The following BRCA1 variants were observed in gnomAD, a reference collection of about 807,000 sequenced individuals.
The protein encoded by BRCA1 is BRCA1 DNA repair associated.
A neutral mutation model predicts 173.7 loss-of-function variants in BRCA1; 140 were observed. That is an observed-to-expected ratio of 0.81 (90% CI 0.70 to 0.93). The LOEUF (loss-of-function observed/expected upper bound fraction) is 0.93. BRCA1 is among the 40% of genes least tolerant of loss of function. The pLI is 0.00. For missense variants in BRCA1, 1,983 were observed against 2,172.5 expected (o/e 0.91, Z 1.73); for synonymous variants, 662 against 756.0 (o/e 0.88, Z 2.04).
Position 43,050,026 on chromosome 17 carries a change from A to G in BRCA1, c.5333-832T>C, listed in dbSNP as rs869312514. ...AACTTGGAAATTTCATAAAAATCCA[A>G]TTGATAACTAATAAAGAGGATGGAA... On this transcript the variant is annotated intron_variant, in intron 20 of 22. Transcript: ENST00000357654. The G allele has an allele frequency of 1.0e-5, 4 of 398,642 alleles. No individual in the cohort carries two copies. The highest frequency in any genetic ancestry group is 3.6e-5 in the East Asian group (1 of 28,078). The allele number at this position is 398,642 out of a possible 1,614,324, so 24.7% of individuals were successfully genotyped here. A position where few individuals can be genotyped will look rare whatever the true frequency, so the allele number is the denominator to read the frequency against.
At chr17:43,139,636 G>A (rs1225832093) in intron 1 of BRCA1, among the ~76,000 whole-genome samples, 1 of 152,130 alleles carries the variant, frequency 6.6e-6, no homozygotes, top group Non-Finnish European at 1.5e-5. Context: ...TTACAGGCGT[G>A]AGCCACCGTG....
intron 20 of BRCA1, 63 bp from the exon 21 acceptor site, chr17:43,049,257 A>G: frequency 1.4e-6 from 2 of 1,437,512 alleles, no homozygotes; most frequent in Non-Finnish European, 2.0e-6. Context: ...CAGGCCCTCT[A>G]CCCTACACTC....
At chr17:43,097,519 G>A (rs184107364) in intron 7 of BRCA1, among the ~76,000 whole-genome samples, 2 of 152,084 alleles carry the variant, frequency 1.3e-5, no homozygotes, top group African/African-American at 2.4e-5. Context: ...TGAGGAGGCC[G>A]AGATGGGTGG....
intron 1 of BRCA1, among the ~76,000 whole-genome samples, chr17:43,156,783 C>A (rs960080365): frequency 2.6e-5 from 4 of 152,144 alleles, no homozygotes; most frequent in African/African-American, 7.2e-5. Context: ...TTATAATCTA[C>A]ACTATATAAA....
At chr17:43,104,768 TA>T in intron 5 of BRCA1, 99 bp downstream of exon 5, 4 of 1,069,452 alleles carry the variant, frequency 3.7e-6, no homozygotes, top group Non-Finnish European at 5.8e-6. Flanking sequence ...TAACCTAGAC[TA>T]AAAGGTCTTA....
chr17:43,106,251 G>A (rs981206345), intron 4 of BRCA1, among the ~76,000 whole-genome samples: 5 of 152,066 alleles, frequency 3.3e-5, no homozygotes, highest in African/African-American at 1.2e-4. Context: ...ATTAGAGAAA[G>A]GCAGTAAGTT....
At chr17:43,152,739 C>G (rs2056170243) in intron 1 of BRCA1, among the ~76,000 whole-genome samples, 1 of 152,088 alleles carries the variant, frequency 6.6e-6, no homozygotes, top group South Asian at 2.1e-4. Context: ...CCTGAAGTCC[C>G]AGCTACTTGG....
rs34253779 is a variant in BRCA1 at position 43,066,812 on chromosome 17, C to CTT, written c.5074+794_5074+795dup. On this transcript the variant is annotated intron_variant, in intron 16 of 22. Transcript: ENST00000357654. ...TATCTCAGCTCACCACCCTCCAAAC[C>CTT]TTTTTTTTTTTTTTTTTTTTTTGAG... Among the ~76,000 whole-genome samples, 767 of 112,192 alleles carry CTT rather than the reference C, an allele frequency of 6.8e-3. 13 individuals are homozygous for CTT. Among genetic ancestry groups the CTT allele is most frequent in the African/African-American group, 0.025 (576 of 23,184 alleles). 73.6% of individuals were successfully genotyped at this position (112,192 alleles called of 152,430 possible). A position where few individuals can be genotyped will look rare whatever the true frequency, so the allele number is the denominator to read the frequency against.
rs1167828270 is a variant in BRCA1 at position 43,049,087 on chromosome 17, G to A, written c.5406+34C>T. 1.8e-5 allele frequency: 28 copies of A among 1,591,248 alleles called. No homozygotes were observed. Among genetic ancestry groups the A allele is most frequent in the Non-Finnish European group, 2.3e-5 (27 of 1,159,680 alleles). On this transcript the variant is annotated intron_variant, in intron 21 of 22. Transcript: ENST00000357654. ...TCTTGCTCACAGGAGAGAATATTGT[G>A]TCCTCCCTCTCTGACAGGGCACCCA...
intron 1 of BRCA1, among the ~76,000 whole-genome samples, chr17:43,146,787 C>T (rs2056124888): frequency 6.6e-6 from 1 of 152,196 alleles, no homozygotes; most frequent in Non-Finnish European, 1.5e-5. Context: ...CTCTCTTCCC[C>T]TCTCAGCAGC....
intron 15 of BRCA1, among the ~76,000 whole-genome samples, chr17:43,068,879 C>A (rs367911562): frequency 3.4e-4 from 52 of 152,278 alleles, no homozygotes; most frequent in African/African-American, 1.2e-3. Flanking sequence ...AATTTAGAGT[C>A]CTCTAGCTAT....
At position 43,093,160 on chromosome 17, in the gene BRCA1, G is replaced by C. The variant is rs1567795916; in HGVS notation, c.2371C>G (p.Leu791Val). The C allele has an allele frequency of 6.2e-7, 1 of 1,613,620 alleles. No individual in the cohort carries two copies. Among genetic ancestry groups the C allele is most frequent in the Non-Finnish European group, 8.5e-7 (1 of 1,179,862 alleles). ...TTTGGTTCTGTTTTTGCCTTCCCTA[G>C]AGTGCTAACTTCCAGTAACGAGATA... ...ESISLLEVST[L>V]GKAKTEPNKC... Residue 791 changes from leucine (L) to valine (V), a missense_variant, in exon 10 of 23, where the codon CTA becomes GTA. Transcript: ENST00000357654.
intron 15 of BRCA1, 95 bp from the exon 16 acceptor site, chr17:43,067,790 A>G (rs2153725459): frequency 1.1e-6 from 1 of 896,218 alleles, no homozygotes; most frequent in African/African-American, 1.7e-5. Context: ...TTACCTATGT[A>G]GCAATCCTGC....
At chr17:43,147,081 C>T (rs1389876139) in intron 1 of BRCA1, among the ~76,000 whole-genome samples, 2 of 152,028 alleles carry the variant, frequency 1.3e-5, no homozygotes, top group Admixed American at 1.3e-4. Context: ...CTCGGCTCAC[C>T]GCAACCTCTG....
chr17:43,052,825 T>TCA (rs2051305215), intron 19 of BRCA1, among the ~76,000 whole-genome samples: 1 of 85,214 alleles, frequency 1.2e-5, no homozygotes, highest in South Asian at 5.0e-4. Flanking sequence ...ACACACACAC[T>TCA]CTCTTACTTT....
chr17:43,139,591 C>T (rs1236491046), intron 1 of BRCA1, among the ~76,000 whole-genome samples: 3 of 151,946 alleles, frequency 2.0e-5, no homozygotes, highest in South Asian at 2.1e-4. Context: ...CCTGACCTTG[C>T]GATCCACCCA....
intron 19 of BRCA1, among the ~76,000 whole-genome samples, chr17:43,054,906 C>T (rs746360085): frequency 2.0e-5 from 3 of 152,012 alleles, no homozygotes; most frequent in African/African-American, 4.8e-5. Flanking sequence ...CCTACCACCA[C>T]GCCCAGTTAA....
chr17:43,097,962 T>A (rs1322869536), intron 7 of BRCA1, among the ~76,000 whole-genome samples: 3 of 151,910 alleles, frequency 2.0e-5, no homozygotes, highest in Non-Finnish European at 4.4e-5. Context: ...CTATCCTTTT[T>A]AATTATAAAT....
In BRCA1 at chr17:43,067,660, G is replaced by C. The variant is rs786203868; in HGVS notation, c.5022C>G (p.Ile1674Met). 6.2e-7 allele frequency: 1 copy of C among 1,613,452 alleles called. No individual in the cohort carries two copies. The highest frequency in any genetic ancestry group is 8.5e-7 in the Non-Finnish European group (1 of 1,179,598). The change falls in exon 16 of 23, where the codon ATC (isoleucine) becomes ATG (methionine). Residue 1674 changes from isoleucine (I) to methionine (M), a missense_variant. Transcript: ENST00000357654. ...CTTCAGTAATTAGATTAGTTAAAGT[G>C]ATGTGGTGTTTTCTGGCAAACTTGT... is the stretch of plus-strand genomic sequence containing the variant. ...LVYKFARKHH[I>M]TLTNLITEET...
Sources: gnomAD v4.1 joint callset for allele counts (sites outside exome capture counted in the v4.1 genomes callset) on GRCh38, gnomAD v4.1.1 for gene constraint, MANE v1.5 for transcripts, NCBI Gene and HGNC (gene_info 2026-07-23, HGNC 2026-07-21) for gene names.